The following PLCB1 variants were observed in gnomAD, a reference collection of about 807,000 sequenced individuals.
PLCB1 encodes phospholipase C beta 1.
In PLCB1, 46 loss-of-function variants were observed where a neutral mutation model predicts 161.8. The observed-to-expected ratio is 0.28, with a 90% confidence interval of 0.22 to 0.36. PLCB1 has a LOEUF of 0.36. Ranked by LOEUF, PLCB1 falls within the 10% of genes least tolerant of loss-of-function variation. The pLI, the probability that PLCB1 is intolerant of heterozygous loss-of-function variation, is 1.00. For synonymous variants in PLCB1, 517 were observed against 503.7 expected (o/e 1.03, Z -0.35); for missense variants, 1,016 against 1,472.5 (o/e 0.69, Z 5.07).
At chr20:8,451,613 G>A (rs899840154) in intron 3 of PLCB1, among the ~76,000 whole-genome samples, 4 of 152,122 alleles carry the variant, frequency 2.6e-5, no homozygotes, top group Non-Finnish European at 5.9e-5. Flanking sequence ...GCCTCCCAAA[G>A]TGCTGGGATT....
At chr20:8,617,347 T>C (rs185569471) in intron 3 of PLCB1, among the ~76,000 whole-genome samples, 38 of 152,310 alleles carry the variant, frequency 2.5e-4, no homozygotes, top group Admixed American at 9.8e-4. Flanking sequence ...TCAAAACTCA[T>C]CACTTTCTAA....
intron 3 of PLCB1, among the ~76,000 whole-genome samples, chr20:8,468,359 T>A (rs1281269978): frequency 6.6e-6 from 1 of 152,214 alleles, no homozygotes; most frequent in Non-Finnish European, 1.5e-5. Context: ...CAAGTGAGAA[T>A]CAGTTTTAGT....
chr20:8,832,238 T>G (rs1165947519), intron 31 of PLCB1, among the ~76,000 whole-genome samples: 1 of 152,196 alleles, frequency 6.6e-6, no homozygotes, highest in Non-Finnish European at 1.5e-5. Flanking sequence ...AAACTATTTC[T>G]GGCTATAATA....
intron 2 of PLCB1, among the ~76,000 whole-genome samples, chr20:8,263,631 A>G (rs1034928923): frequency 3.9e-5 from 6 of 152,228 alleles, no homozygotes; most frequent in Non-Finnish European, 5.9e-5. Flanking sequence ...TATATGGCAT[A>G]GCTTATTGCT....
intron 4 of PLCB1, among the ~76,000 whole-genome samples, chr20:8,630,010 C>CTT (rs760712723): frequency 0.085 from 5,131 of 60,570 alleles, 169 homozygotes; most frequent in Middle Eastern, 0.14. Flanking sequence ...TTCTTTCTTT[C>CTT]TCTTTCTTCT....
intron 2 of PLCB1, among the ~76,000 whole-genome samples, chr20:8,333,864 T>C (rs1747636335): frequency 6.6e-6 from 1 of 152,200 alleles, no homozygotes; most frequent in Non-Finnish European, 1.5e-5. Context: ...CAAGACTGTT[T>C]TGGTTCTCAA....
At chr20:8,219,323 A>C (rs1051502274) in intron 2 of PLCB1, among the ~76,000 whole-genome samples, 1 of 152,198 alleles carries the variant, frequency 6.6e-6, no homozygotes, top group Non-Finnish European at 1.5e-5. Context: ...TGCATGATGA[A>C]TACATTTTAT....
At chr20:8,641,805 C>T (rs1446282176) in intron 4 of PLCB1, among the ~76,000 whole-genome samples, 1 of 152,096 alleles carries the variant, frequency 6.6e-6, no homozygotes, top group African/African-American at 2.4e-5. Flanking sequence ...AGAAAAATGC[C>T]CTCAGGAAGA....
rs138851178 is a variant in PLCB1 at position 8,722,413 on chromosome 20, A to T, written c.1573A>T (p.Met525Leu). ...DDDDDCKKSS[M>L]DEGTAGSEAM... Reference sequence around the variant, plus strand: ...TGATGATGACTGTAAAAAATCTTCAATGGATGAGGTGGGTACTTAGGGCTT... The same window carrying T: ...TGATGATGACTGTAAAAAATCTTCATTGGATGAGGTGGGTACTTAGGGCTT... The change falls in exon 15 of 32, where the codon ATG becomes TTG. Residue 525 changes from methionine to leucine, a missense_variant. Physicochemically the swap from Met to Leu is conservative, Grantham distance 15. Transcript: ENST00000338037. 80 of 1,609,984 alleles carry T rather than the reference A, an allele frequency of 5.0e-5. No individual in the cohort carries two copies. The highest frequency in any genetic ancestry group is 6.7e-5 in the Non-Finnish European group (79 of 1,178,196).
At chr20:8,685,570 C>CAA (rs72078385) in intron 10 of PLCB1, among the ~76,000 whole-genome samples, 75,033 of 121,304 alleles carry the variant, frequency 0.62, 23,446 homozygotes, top group East Asian at 0.86. Flanking sequence ...ACTAAAAATA[C>CAA]AAAAAAAAAA....
In PLCB1 at chr20:8,307,524, T is replaced by C. The variant is rs138712123; in HGVS notation, c.178-63858T>C. Among the ~76,000 whole-genome samples the C allele has an allele frequency of 2.9e-3, 442 of 152,252 alleles. 1 individual carries two copies. Among genetic ancestry groups the C allele is most frequent in the African/African-American group, 0.01 (426 of 41,542 alleles). On this transcript the variant is annotated intron_variant, in intron 2 of 31. Coordinates refer to ENST00000338037, the MANE Select transcript of PLCB1 (RefSeq NM_015192.4). The stretch of plus-strand genomic sequence containing the variant: ...TGAACTTTTTGTGCTTTTGGTTTGG[T>C]GGGGGTTTTTTTTGTTAGTTTTTGA...
chr20:8,733,617 C>G (rs1980389396), intron 19 of PLCB1, among the ~76,000 whole-genome samples: 1 of 146,176 alleles, frequency 6.8e-6, no homozygotes, highest in South Asian at 2.2e-4. Flanking sequence ...GGAAGGGGAA[C>G]ATCACACTCT....
intron 2 of PLCB1, among the ~76,000 whole-genome samples, chr20:8,292,675 A>G (rs1373085995): frequency 6.6e-6 from 1 of 152,140 alleles, no homozygotes; most frequent in African/African-American, 2.4e-5. Flanking sequence ...CAGCTGTACC[A>G]TATTGTCCTG....
chr20:8,565,458 C>T (rs934791976), intron 3 of PLCB1, among the ~76,000 whole-genome samples: 6 of 151,316 alleles, frequency 4.0e-5, no homozygotes, highest in South Asian at 4.2e-4. Flanking sequence ...GCACATTCTG[C>T]GCATGTACTT....
intron 2 of PLCB1, among the ~76,000 whole-genome samples, chr20:8,338,172 A>T (rs1467787137): frequency 6.6e-6 from 1 of 152,186 alleles, no homozygotes; most frequent in Admixed American, 6.5e-5. Context: ...TAATTTATTA[A>T]ATTTTAATAA....
At chr20:8,647,110 A>C (rs1989190974) in intron 5 of PLCB1, among the ~76,000 whole-genome samples, 1 of 152,074 alleles carries the variant, frequency 6.6e-6, no homozygotes, top group Admixed American at 6.5e-5. Context: ...TGAGTTTGTT[A>C]ACTTAAGGAC....
intron 2 of PLCB1, among the ~76,000 whole-genome samples, chr20:8,209,251 C>T (rs2123140981): frequency 6.6e-6 from 1 of 151,746 alleles, no homozygotes; most frequent in Non-Finnish European, 1.5e-5. Flanking sequence ...TGTGTTTAAC[C>T]TCGGGGTTTG....
At chr20:8,522,204 C>T (rs1235724977) in intron 3 of PLCB1, among the ~76,000 whole-genome samples, 2 of 152,200 alleles carry the variant, frequency 1.3e-5, no homozygotes, top group Non-Finnish European at 2.9e-5. Flanking sequence ...AATGTAGGAT[C>T]TGGAGCTCCC....
chr20:8,636,284 A>G (rs1212200337), intron 4 of PLCB1, among the ~76,000 whole-genome samples: 1 of 152,194 alleles, frequency 6.6e-6, no homozygotes, highest in East Asian at 1.9e-4. Context: ...TATTAAAAAA[A>G]AATGCCTGTG....
Sources: allele counts gnomAD v4.1 joint callset (sites outside exome capture counted in the v4.1 genomes callset), GRCh38; gene constraint gnomAD v4.1.1; transcripts MANE v1.5; gene names NCBI Gene and HGNC (gene_info 2026-07-23, HGNC 2026-07-21).